The following UBE2E2 variants were observed in gnomAD, a reference collection of about 807,000 sequenced individuals.
UBE2E2 encodes the protein ubiquitin conjugating enzyme E2 E2.
UBE2E2 carries 6 observed loss-of-function variants against 24.7 expected under a neutral mutation model. The ratio of observed to expected loss-of-function variants is 0.24; its 90% CI spans 0.13 to 0.48. The LOEUF is 0.48. Ranked by LOEUF, UBE2E2 falls within the 20% of genes least tolerant of loss-of-function variation. The pLI is 0.99. For synonymous variants in UBE2E2, 104 were observed against 83.6 expected, an observed-to-expected ratio of 1.24 and a Z score of -1.33; for missense variants, 169 against 245.0, an observed-to-expected ratio of 0.69 and a Z score of 2.07.
rs118048959 is a variant in UBE2E2 at position 23,409,743 on chromosome 3, G to T, written c.228-89865G>T. ...AAGTCTGAAATCAAGGTATCAACAG[G>T]GCCATCAATGGGTCCCTCAGAAAGC... is the stretch of plus-strand genomic sequence containing the variant. On this transcript the variant is annotated intron_variant, in intron 3 of 5. Transcript: ENST00000396703. 1.9e-4 allele frequency among the ~76,000 whole-genome samples: 29 copies of T among 152,172 alleles called. No homozygotes were observed. In the East Asian group the frequency reaches 5.6e-3, roughly 29 times the overall value.
At chr3:23,366,792 C>T (rs917684179) in intron 3 of UBE2E2, among the ~76,000 whole-genome samples, 28 of 151,758 alleles carry the variant, frequency 1.8e-4, no homozygotes, top group Admixed American at 5.9e-4. Flanking sequence ...AAAAAAATAC[C>T]CTGGGATCAG....
chr3:23,447,633 T>TG (rs1417067816), intron 3 of UBE2E2, among the ~76,000 whole-genome samples: 2 of 152,224 alleles, frequency 1.3e-5, no homozygotes, highest in Admixed American at 6.5e-5. Flanking sequence ...ACTCCAAGTG[T>TG]GAAGAAGTTT....
At position 23,590,396 on chromosome 3, in the gene UBE2E2, T is replaced by G. The variant is rs1696733628; in HGVS notation, c.*565T>G. The G allele has an allele frequency of 6.5e-6, 1 of 152,818 alleles. No homozygotes were observed. The highest frequency in any genetic ancestry group is 2.4e-5 in the African/African-American group (1 of 41,466). 9.5% of individuals were successfully genotyped at this position (152,818 alleles called of 1,614,324 possible). A position where few individuals can be genotyped will look rare whatever the true frequency, so the allele number is the denominator to read the frequency against. On this transcript the variant is annotated 3_prime_UTR_variant, in exon 6 of 6. Transcript: ENST00000396703. ...CAGAATCACTGTGCATTACTGAGAC[T>G]CTGTTTATCACTAGCCTTCTGTCCC...
At chr3:23,271,432 A>G (rs2125363197) in intron 3 of UBE2E2, among the ~76,000 whole-genome samples, 1 of 152,316 alleles carries the variant, frequency 6.6e-6, no homozygotes, top group South Asian at 2.1e-4. Flanking sequence ...AAAGAGCCAA[A>G]GAACAAAGCT....
chr3:23,484,321 T>A (rs1699316021), intron 3 of UBE2E2, among the ~76,000 whole-genome samples: 1 of 152,194 alleles, frequency 6.6e-6, no homozygotes, highest in South Asian at 2.1e-4. Context: ...CTGTGGGACT[T>A]GTTCAAACCA....
At chr3:23,319,272 C>CTGA (rs1399968585) in intron 3 of UBE2E2, among the ~76,000 whole-genome samples, 2 of 152,118 alleles carry the variant, frequency 1.3e-5, no homozygotes, top group Admixed American at 1.3e-4. Context: ...TACTCTCTTG[C>CTGA]TGATGTTCTC....
chr3:23,482,322 G>A (rs2125442932), intron 3 of UBE2E2, among the ~76,000 whole-genome samples: 1 of 152,260 alleles, frequency 6.6e-6, no homozygotes, highest in East Asian at 1.9e-4. Context: ...TAGAGTTTAT[G>A]AATATACCAA....
At chr3:23,430,173 G>A (rs949459632) in intron 3 of UBE2E2, among the ~76,000 whole-genome samples, 4 of 152,246 alleles carry the variant, frequency 2.6e-5, no homozygotes, top group South Asian at 2.1e-4. Context: ...ATATAAACTC[G>A]ATGCAGACTA....
chr3:23,407,808 A>G lies in UBE2E2; in HGVS notation c.228-91800A>G, dbSNP rs889989120. On this transcript the variant is annotated intron_variant, in intron 3 of 5. Transcript: ENST00000396703. This position sits in a 1 kb window ranked among gnomAD's most constrained non-coding sequence, Gnocchi z 4.0. ...TCTGCCTCTGCTTACCCTTCTGGGAAATAGTTACCAATAATATAGGAAATA... is the reference window on the plus strand; with the variant it reads ...TCTGCCTCTGCTTACCCTTCTGGGAGATAGTTACCAATAATATAGGAAATA... Among the ~76,000 whole-genome samples the G allele has an allele frequency of 3.9e-5, 6 of 152,110 alleles. No individual in the cohort carries two copies. Among genetic ancestry groups the G allele is most frequent in the African/African-American group, 1.4e-4 (6 of 41,410 alleles).
chr3:23,398,314 AAAAAAAAAAC>A (rs1697129613), intron 3 of UBE2E2, among the ~76,000 whole-genome samples: 1 of 150,876 alleles, frequency 6.6e-6, no homozygotes, highest in East Asian at 1.9e-4. Flanking sequence ...CTCCATCTCA[AAAAAAAAAAC>A]AAAAAAAAAC....
At chr3:23,203,292 G>T, upstream of UBE2E2, 1 of 987,958 alleles carries the variant, frequency 1.0e-6, no homozygotes, top group South Asian at 4.5e-5. Context: ...AGCGCGGCGG[G>T]GACAGGCGTG....
rs895541868 is a variant in UBE2E2 at position 23,589,484 on chromosome 3, G to A, written c.509-250G>A. 6.6e-6 allele frequency among the ~76,000 whole-genome samples: 1 copy of A among 151,998 alleles called. No individual in the cohort carries two copies. Among genetic ancestry groups the A allele is most frequent in the Admixed American group, 6.5e-5 (1 of 15,270 alleles). On this transcript the variant is annotated intron_variant, in intron 5 of 5. Transcript: ENST00000396703. The surrounding 1 kb of genome is among the most constrained non-coding windows in gnomAD (Gnocchi z 4.1). ...GGTGAGAAGTATGTGGTGGGTACAG[G>A]GAAAGAGAATAAGACTTGTCAAGAA...
intron 3 of UBE2E2, among the ~76,000 whole-genome samples, chr3:23,316,757 T>G (rs149150101): frequency 0.012 from 1,811 of 152,174 alleles, 11 homozygotes; most frequent in Middle Eastern, 0.027. Context: ...GCCCACGGCA[T>G]GTACTACCTT....
intron 3 of UBE2E2, among the ~76,000 whole-genome samples, chr3:23,343,375 A>G (rs769836769): frequency 2.2e-4 from 34 of 152,136 alleles, no homozygotes; most frequent in Non-Finnish European, 4.1e-4. Flanking sequence ...GAGGAGTTCA[A>G]CACCAGCCTG....
At chr3:23,256,825 G>A (rs1434831919) in intron 3 of UBE2E2, among the ~76,000 whole-genome samples, 1 of 152,102 alleles carries the variant, frequency 6.6e-6, no homozygotes, top group Non-Finnish European at 1.5e-5. Flanking sequence ...AAATCACTTT[G>A]TCCTTATTAC....
chr3:23,494,435 G>A (rs533585901), intron 3 of UBE2E2, among the ~76,000 whole-genome samples: 1 of 152,076 alleles, frequency 6.6e-6, no homozygotes, highest in East Asian at 1.9e-4. Context: ...ACTTTCTTTT[G>A]CATTAAGTCT....
At chr3:23,495,897 G>T (rs981913349) in intron 3 of UBE2E2, among the ~76,000 whole-genome samples, 2 of 147,794 alleles carry the variant, frequency 1.4e-5, no homozygotes, top group African/African-American at 5.3e-5. Context: ...TAGGATAACT[G>T]TGATTTTATT....
chr3:23,305,063 C>T lies in UBE2E2; in HGVS notation c.227+87751C>T, dbSNP rs147906705. On this transcript the variant is annotated intron_variant, in intron 3 of 5. Coordinates refer to ENST00000396703, the MANE Select transcript of UBE2E2 (RefSeq NM_152653.4). Reference sequence around the variant, plus strand: ...ACACCACCGATCTTAGAAAAATCTTCAAGTCTTTATTGGTGGCAGATACAA... The same window carrying T: ...ACACCACCGATCTTAGAAAAATCTTTAAGTCTTTATTGGTGGCAGATACAA... Among the ~76,000 whole-genome samples, 12 of 152,226 alleles carry T rather than the reference C, an allele frequency of 7.9e-5. No homozygotes were observed. The East Asian group carries it at 2.3e-3, about 29-fold the overall frequency.
In UBE2E2 at chr3:23,352,431, T is replaced by C. The variant is rs1305582741; in HGVS notation, c.227+135119T>C. ...AGACACAAAAAACCCTTCAAAAAAG[T>C]AATGAATCCAGGAGCTGGTTTTTTG... On this transcript the variant is annotated intron_variant, in intron 3 of 5. Transcript: ENST00000396703. Among the ~76,000 whole-genome samples, 8 of 152,056 alleles carry C rather than the reference T, an allele frequency of 5.3e-5. No homozygotes were observed. In the South Asian group the frequency reaches 6.2e-4, roughly 12 times the overall value.
Sources: gnomAD v4.1 joint callset for allele counts (sites outside exome capture counted in the v4.1 genomes callset) on GRCh38, gnomAD v4.1.1 for gene constraint, Gnocchi (gnomAD v3.1) non-coding constraint, MANE v1.5 for transcripts, NCBI Gene and HGNC (gene_info 2026-07-23, HGNC 2026-07-21) for gene names.